The following SLC35D4 variants were observed in gnomAD, a reference collection of about 807,000 sequenced individuals.
SLC35D4 encodes the protein UDP-N-acetylglucosamine transporter SLC35D4.
chr18:23,437,255 A>T, the SLC35D4 span, among the ~76,000 whole-genome samples: 1 of 152,232 alleles, frequency 6.6e-6, no homozygotes, highest in Non-Finnish European at 1.5e-5. Context: ...GTTTTATTTT[A>T]AAAAATAATA....
chr18:23,402,950 A>C, the SLC35D4 span, among the ~76,000 whole-genome samples: 1 of 152,104 alleles, frequency 6.6e-6, no homozygotes, highest in African/African-American at 2.4e-5. Flanking sequence ...TACTAAAAAT[A>C]CAAAAATTAG....
the SLC35D4 span, among the ~76,000 whole-genome samples, chr18:23,429,599 CT>C: frequency 1.3e-5 from 2 of 152,168 alleles, no homozygotes; most frequent in Non-Finnish European, 1.5e-5. Context: ...TGATCTTGAA[CT>C]CCTGACCTCA....
chr18:23,291,939 C>T, the SLC35D4 span, among the ~76,000 whole-genome samples: 1 of 152,156 alleles, frequency 6.6e-6, no homozygotes, highest in Non-Finnish European at 1.5e-5. Flanking sequence ...CCAGGAGAAG[C>T]CCAAAAGTCT....
chr18:23,420,560 G>C, the SLC35D4 span, among the ~76,000 whole-genome samples: 1 of 151,910 alleles, frequency 6.6e-6, no homozygotes, highest in Non-Finnish European at 1.5e-5. Flanking sequence ...TATTTTTGTA[G>C]AGGTGGGGTC....
the SLC35D4 span, among the ~76,000 whole-genome samples, chr18:23,429,064 C>T: frequency 1.3e-5 from 2 of 152,158 alleles, no homozygotes; most frequent in Admixed American, 1.3e-4. Context: ...TATATATATA[C>T]ACCAGATTTT....
the SLC35D4 span, among the ~76,000 whole-genome samples, chr18:23,423,992 G>A: frequency 6.6e-6 from 1 of 152,188 alleles, no homozygotes; most frequent in Non-Finnish European, 1.5e-5. Context: ...CCAGGCATGG[G>A]AGTGACACGT....
At chr18:23,383,022 C>T in the SLC35D4 span, among the ~76,000 whole-genome samples, 1 of 152,256 alleles carries the variant, frequency 6.6e-6, no homozygotes, top group Middle Eastern at 3.4e-3. Flanking sequence ...AAGGGGCCTC[C>T]AGGGTTTCTG....
the SLC35D4 span, chr18:23,399,548 T>G: frequency 1.4e-5 from 23 of 1,612,136 alleles, no homozygotes; most frequent in African/African-American, 2.9e-4. Flanking sequence ...TTGTTTCCCC[T>G]GAACCTCTAA....
the SLC35D4 span, among the ~76,000 whole-genome samples, chr18:23,430,031 T>G: frequency 6.6e-6 from 1 of 152,134 alleles, no homozygotes; most frequent in African/African-American, 2.4e-5. Context: ...AATTGTCAAT[T>G]TTTGTATTTG....
the SLC35D4 span, among the ~76,000 whole-genome samples, chr18:23,419,911 A>G: frequency 1.3e-5 from 2 of 152,172 alleles, no homozygotes; most frequent in East Asian, 1.9e-4. Flanking sequence ...AAGTTCAGGG[A>G]AAAAAAGTTT....
chr18:23,370,588 G>A, the SLC35D4 span, among the ~76,000 whole-genome samples: 2 of 152,208 alleles, frequency 1.3e-5, no homozygotes, highest in East Asian at 3.8e-4. Flanking sequence ...CATGAAAAGA[G>A]AAACACCCCT....
At chr18:23,353,076 AGTGTGTGTGTGTGTGTGTGT>A in the SLC35D4 span, among the ~76,000 whole-genome samples, 18 of 126,498 alleles carry the variant, frequency 1.4e-4, no homozygotes, top group East Asian at 5.9e-4. Context: ...TGAGACAGAC[AGTGTGTGTGTGTGTGTGTGT>A]GTGTGTGTGT....
the SLC35D4 span, chr18:23,370,136 G>A: frequency 9.9e-5 from 124 of 1,250,636 alleles, no homozygotes; most frequent in South Asian, 1.1e-3. Context: ...CTGAGACCGC[G>A]CCATTGCACT....
the SLC35D4 span, among the ~76,000 whole-genome samples, chr18:23,414,229 G>A: frequency 2.0e-5 from 3 of 151,354 alleles, no homozygotes; most frequent in South Asian, 2.1e-4. Context: ...ACTCCAGCCT[G>A]AGCAACAGAG....
chr18:23,360,558 A>C, the SLC35D4 span, among the ~76,000 whole-genome samples: 1 of 152,210 alleles, frequency 6.6e-6, no homozygotes, highest in Admixed American at 6.5e-5. Flanking sequence ...ACAGCTTGAG[A>C]ATAGACAGAA....
At chr18:23,257,373 G>T in the SLC35D4 span, 1 of 1,586,360 alleles carries the variant, frequency 6.3e-7, no homozygotes. Context: ...CCTAGCACTG[G>T]CCCCGAGGAC....
At chr18:23,327,701 T>G in the SLC35D4 span, among the ~76,000 whole-genome samples, 3 of 152,330 alleles carry the variant, frequency 2.0e-5, no homozygotes, top group South Asian at 6.2e-4. Context: ...AAAACTCATT[T>G]TATGAGGGCA....
chr18:23,363,364 ATTTTTTTTTTT>A, the SLC35D4 span, among the ~76,000 whole-genome samples: 37 of 90,458 alleles, frequency 4.1e-4, no homozygotes, highest in Admixed American at 2.2e-3. Context: ...ACAAAAGCAC[ATTTTTTTTTTT>A]TTTTTTTTTT....
At chr18:23,427,651 C>T in the SLC35D4 span, among the ~76,000 whole-genome samples, 1 of 152,232 alleles carries the variant, frequency 6.6e-6, no homozygotes, top group Non-Finnish European at 1.5e-5. Context: ...CCATTTGACC[C>T]AGCAATCCCA....
Sources: allele counts gnomAD v4.1 joint callset (sites outside exome capture counted in the v4.1 genomes callset), GRCh38; gene constraint gnomAD v4.1.1; transcripts MANE v1.5; gene names NCBI Gene and HGNC (gene_info 2026-07-23, HGNC 2026-07-21).